Variants in HNRNPM observed in about 807,000 individuals in gnomAD.
The protein encoded by HNRNPM is heterogeneous nuclear ribonucleoprotein M.
A neutral mutation model predicts 73.1 loss-of-function variants in HNRNPM; 11 were observed. The ratio of observed to expected loss-of-function variants is 0.15; its 90% confidence interval spans 0.09 to 0.25. The LOEUF (loss-of-function observed/expected upper bound fraction) is 0.25, where lower values mean the gene tolerates loss of function less well. HNRNPM is among the 10% of genes least tolerant of loss of function. The pLI, the probability that HNRNPM is intolerant of heterozygous loss-of-function variation, is 1.00. For missense variants in HNRNPM, 789 were observed against 1,067.9 expected, an observed-to-expected ratio of 0.74 and a Z score of 3.64; for synonymous variants, 407 against 355.2, an observed-to-expected ratio of 1.15 and a Z score of -1.64.
rs767545137 is a variant in HNRNPM, at chr19:8,485,817, C to T, written c.1389C>T (p.Asp463=). ...GIERMGPLGL[D]HMASSIERMG... is the part of the protein sequence containing the mutation. The stretch of plus-strand genomic sequence containing the variant: ...AGCGCATGGGCCCGCTGGGCCTCGA[C>T]CACATGGCCTCCAGCATTGAGCGCA... Residue 463 remains aspartate (D), a synonymous_variant, in exon 14 of 16, where the codon GAC becomes GAT. Transcript: ENST00000325495. 1.2e-6 allele frequency: 2 copies of T among 1,602,776 alleles called. No homozygotes were observed. Among genetic ancestry groups the T allele is most frequent in the Non-Finnish European group, 1.7e-6 (2 of 1,179,336 alleles).
chr19:8,486,098 G>A lies in HNRNPM; in HGVS notation c.1670G>A (p.Arg557His), dbSNP rs1196440365. 4.4e-6 allele frequency: 7 copies of A among 1,606,104 alleles called. No homozygotes were observed. The highest frequency in any genetic ancestry group is 5.1e-6 in the Non-Finnish European group (6 of 1,179,530). The change falls in exon 14 of 16, where the codon CGC becomes CAC. Residue 557 changes from arginine to histidine, a missense_variant. Arg to His is a conservative substitution (Grantham distance 29). Around this residue, in one of 4 missense-constraint regions of HNRNPM, gnomAD observed 604 missense variants for 744.0 expected, o/e 0.81. Coordinates refer to ENST00000325495, the MANE Select transcript of HNRNPM (RefSeq NM_005968.5). ...GATCGCATGGCCACCGGCCTGGAGC[G>A]CATGGGCGCCAACAATCTGGAGCGG... is the stretch of plus-strand genomic sequence containing the variant. ...VMDRMATGLERMGANNLERMG... is the reference protein window; with the variant it reads ...VMDRMATGLEHMGANNLERMG...
At position 8,474,185 on chromosome 19, in the gene HNRNPM, G is replaced by C; in HGVS notation, c.1061G>C (p.Gly354Ala). Residue 354 changes from glycine to alanine, a missense_variant, in exon 12 of 16, where the codon GGT (glycine) becomes GCT (alanine). By Grantham distance (60) the Gly-to-Ala change is moderately conservative. Coordinates refer to ENST00000325495, the MANE Select transcript of HNRNPM (RefSeq NM_005968.5). ...NKMGGMEGPFGGGMENMGRFG... is the reference protein window; with the variant it reads ...NKMGGMEGPFAGGMENMGRFG... ...CTTGCAGGAATGGAGGGGCCCTTTG[G>C]TGGTGGTATGGAAAACATGGGTCGA... 1 of 1,598,530 alleles carries C rather than the reference G, an allele frequency of 6.3e-7. No individual in the cohort carries two copies. The highest frequency in any genetic ancestry group is 8.5e-7 in the Non-Finnish European group (1 of 1,173,574).
At chr19:8,457,059 C>T (rs572735978) in intron 2 of HNRNPM, among the ~76,000 whole-genome samples, 13 of 152,144 alleles carry the variant, frequency 8.5e-5, no homozygotes, top group African/African-American at 2.7e-4. Flanking sequence ...TTGGTTGAAC[C>T]GCTGAATTGC....
In HNRNPM at chr19:8,487,047, G is replaced by A; in HGVS notation, c.2001G>A (p.Lys667=). The change falls in exon 15 of 16, where the codon AAG becomes AAA. Residue 667 remains lysine (K), a synonymous_variant. Transcript: ENST00000325495. ...VRNLPFDFTW[K]MLKDKFNECG... is the part of the protein sequence containing the mutation. ...AGCTGCCATTCGATTTCACATGGAAGATGCTAAAGGACAAATTCAACGAGT... is the reference window on the plus strand; with the variant it reads ...AGCTGCCATTCGATTTCACATGGAAAATGCTAAAGGACAAATTCAACGAGT... 6.2e-7 allele frequency: 1 copy of A among 1,613,964 alleles called. No homozygotes were observed. Among genetic ancestry groups the A allele is most frequent in the Non-Finnish European group, 8.5e-7 (1 of 1,179,794 alleles).
intron 12 of HNRNPM, among the ~76,000 whole-genome samples, chr19:8,476,795 G>C (rs1256110242): frequency 6.6e-6 from 1 of 152,164 alleles, no homozygotes; most frequent in Non-Finnish European, 1.5e-5. Context: ...TTGCAGACAG[G>C]TGGCAGGATG....
chr19:8,452,750 C>A (rs1225660387), intron 1 of HNRNPM, among the ~76,000 whole-genome samples: 1 of 152,164 alleles, frequency 6.6e-6, no homozygotes, highest in Non-Finnish European at 1.5e-5. Flanking sequence ...TTGGGTGTGG[C>A]TCACACCAGT....
Position 8,485,999 on chromosome 19 carries a change from G to A in HNRNPM, c.1571G>A (p.Arg524His), listed in dbSNP as rs868861521. 3 of 1,606,504 alleles carry A rather than the reference G, an allele frequency of 1.9e-6. No individual in the cohort carries two copies. Among genetic ancestry groups the A allele is most frequent in the South Asian group, 1.1e-5 (1 of 91,050 alleles). ...GAGCGCATGGGCCCTGCCATCGAGC[G>A]CATGGGCCTGAGCATGGAGCGCATG... is the stretch of plus-strand genomic sequence containing the variant. ...GVERMGPAIE[R>H]MGLSMERMVP... Residue 524 changes from arginine (R) to histidine (H), a missense_variant, in exon 14 of 16, where the codon CGC becomes CAC. This residue lies in a region of HNRNPM where 604 missense variants were observed against 744.0 expected (regional missense o/e 0.81). Coordinates refer to ENST00000325495, the MANE Select transcript of HNRNPM (RefSeq NM_005968.5).
At chr19:8,450,896 A>AT (rs1464605360) in intron 1 of HNRNPM, among the ~76,000 whole-genome samples, 2 of 147,538 alleles carry the variant, frequency 1.4e-5, no homozygotes, top group Admixed American at 1.4e-4. Flanking sequence ...TGCCCGGCTA[A>AT]TTTTTGGTTT....
intron 3 of HNRNPM, 69 bp from the exon 4 acceptor site, chr19:8,463,428 A>G: frequency 6.8e-7 from 1 of 1,478,054 alleles, no homozygotes; most frequent in Non-Finnish European, 9.5e-7. Flanking sequence ...TGTCATTGAT[A>G]TTTACTATTT....
chr19:8,484,489 G>C (rs908230066), intron 13 of HNRNPM, among the ~76,000 whole-genome samples: 1 of 152,198 alleles, frequency 6.6e-6, no homozygotes, highest in Non-Finnish European at 1.5e-5. Flanking sequence ...CCTCATTTCT[G>C]ATGCCTTTGG....
chr19:8,486,510 A>C, intron 14 of HNRNPM, 105 bp downstream of exon 14: 1 of 931,750 alleles, frequency 1.1e-6, no homozygotes, highest in Non-Finnish European at 1.6e-6. Context: ...AAAGGGGACC[A>C]CACCTCCTTG....
rs763636308 is a variant in HNRNPM, at chr19:8,445,105, C to T, written c.107C>T (p.Pro36Leu). ...GVPSGNGAPG[P>L]KGEGERPAQN... is the part of the protein sequence containing the mutation. ...CCGAGCGGCAACGGGGCTCCGGGCC[C>T]TAAGGGGTGAGTATCCCACGGTCCT... Residue 36 changes from proline to leucine, a missense_variant, in exon 1 of 16, where the codon CCT becomes CTT. By Grantham distance (98) the Pro-to-Leu change is moderately conservative (BLOSUM62 -3). Transcript: ENST00000325495. The T allele has an allele frequency of 3.9e-5, 55 of 1,411,836 alleles. No homozygotes were observed. The East Asian group carries it at 1.6e-3, about 40-fold the overall frequency. 87.5% of individuals were successfully genotyped at this position (1,411,836 alleles called of 1,614,324 possible). A position where few individuals can be genotyped will look rare whatever the true frequency, so the allele number is the denominator to read the frequency against.
chr19:8,468,846 A>C lies in HNRNPM; in HGVS notation c.895+12A>C. On this transcript the variant is annotated intron_variant, in intron 9 of 15. Transcript: ENST00000325495. ...ACAACAACTTCCCCGTAAGTGTTTCAGTGATTAGGGCTGAGAGTTTGAATT... is the reference window on the plus strand; with the variant it reads ...ACAACAACTTCCCCGTAAGTGTTTCCGTGATTAGGGCTGAGAGTTTGAATT... The C allele has an allele frequency of 3.1e-6, 5 of 1,605,264 alleles. No homozygotes were observed. The highest frequency in any genetic ancestry group is 4.3e-6 in the Non-Finnish European group (5 of 1,171,962).
intron 12 of HNRNPM, 59 bp from the exon 13 acceptor site, chr19:8,483,099 C>A: frequency 1.9e-6 from 2 of 1,042,142 alleles, no homozygotes; most frequent in East Asian, 2.4e-5. Flanking sequence ...CTGTAATGAG[C>A]ACATTTCTAT....
At chr19:8,472,072 G>C (rs951366651) in intron 10 of HNRNPM, among the ~76,000 whole-genome samples, 3 of 151,756 alleles carry the variant, frequency 2.0e-5, no homozygotes, top group Admixed American at 2.0e-4. Context: ...TCAAGAGGCT[G>C]AGGCAGGAGA....
intron 12 of HNRNPM, among the ~76,000 whole-genome samples, chr19:8,479,239 C>T (rs1970737617): frequency 1.3e-5 from 2 of 151,870 alleles, no homozygotes; most frequent in East Asian, 1.9e-4. Context: ...CCACCACACC[C>T]AGCTAATTTT....
chr19:8,474,291 G>T, intron 12 of HNRNPM, 47 bp downstream of exon 12: 12 of 1,417,658 alleles, frequency 8.5e-6, no homozygotes, highest in Non-Finnish European at 7.6e-6. Flanking sequence ...TTTGCCGGCT[G>T]TTGCCTCTCA....
intron 12 of HNRNPM, among the ~76,000 whole-genome samples, chr19:8,479,180 G>C (rs189111244): frequency 1.2e-3 from 168 of 140,268 alleles, no homozygotes; most frequent in Middle Eastern, 4.1e-3. Context: ...CCACCTCCCG[G>C]TTTCAAGTGG....
Position 8,467,591 on chromosome 19 carries a change from C to T in HNRNPM, c.834+7C>T. The T allele has an allele frequency of 6.3e-7, 1 of 1,599,732 alleles. No individual in the cohort carries two copies. Among genetic ancestry groups the T allele is most frequent in the Non-Finnish European group, 8.6e-7 (1 of 1,166,942 alleles). ...ACCAATGCACGTCAAGATGGTAAGT[C>T]AGTAGGATCTTTCTCTGTGATATAC... On this transcript the variant is annotated splice_region_variant and intron_variant, in intron 8 of 15. Coordinates refer to ENST00000325495, the MANE Select transcript of HNRNPM (RefSeq NM_005968.5).
Sources: allele counts gnomAD v4.1 joint callset (sites outside exome capture counted in the v4.1 genomes callset), GRCh38; gene constraint gnomAD v4.1.1; regional missense constraint gnomAD v4.1.1; transcripts MANE v1.5; gene names NCBI Gene and HGNC (gene_info 2026-07-23, HGNC 2026-07-21).